KCND3: variants seen among roughly 807,000 people sequenced by gnomAD.
The protein encoded by KCND3 is potassium voltage-gated channel subfamily D member 3.
In KCND3, 9 loss-of-function variants were observed where a neutral mutation model predicts 51.1. The observed-to-expected ratio is 0.18, with a 90% CI of 0.11 to 0.31. The LOEUF (loss-of-function observed/expected upper bound fraction) is 0.31. KCND3 is among the 10% of genes least tolerant of loss of function. KCND3 has a pLI of 1.00. For synonymous variants in KCND3, 349 were observed against 368.0 expected (o/e 0.95, Z 0.59); for missense variants, 526 against 903.8 (o/e 0.58, Z 5.36).
intron 2 of KCND3, among the ~76,000 whole-genome samples, chr1:111,957,143 G>A (rs113699581): frequency 6.6e-6 from 1 of 152,166 alleles, no homozygotes; most frequent in Non-Finnish European, 1.5e-5. Context: ...AAAAGCACCA[G>A]GTAGAACACT....
At chr1:111,840,017 A>C (rs1667250134) in intron 2 of KCND3, among the ~76,000 whole-genome samples, 1 of 152,196 alleles carries the variant, frequency 6.6e-6, no homozygotes, top group Admixed American at 6.5e-5. Context: ...GGAAAGTCCA[A>C]GTTTAAGGTG....
intron 2 of KCND3, among the ~76,000 whole-genome samples, chr1:111,953,843 T>C (rs1673181955): frequency 6.6e-6 from 1 of 152,184 alleles, no homozygotes; most frequent in South Asian, 2.1e-4. Flanking sequence ...CAGGGACGCT[T>C]TGGTTAGCAA....
At chr1:111,923,292 A>C (rs1445736942) in intron 2 of KCND3, among the ~76,000 whole-genome samples, 1 of 152,184 alleles carries the variant, frequency 6.6e-6, no homozygotes, top group Non-Finnish European at 1.5e-5. Flanking sequence ...ACAGCATCAG[A>C]CACGACCAGA....
chr1:111,798,235 T>G (rs762978676), intron 2 of KCND3, among the ~76,000 whole-genome samples: 1 of 152,138 alleles, frequency 6.6e-6, no homozygotes. Context: ...CCATATGCAC[T>G]GGGCTCCTCC....
At chr1:111,839,587 G>A (rs1667231092) in intron 2 of KCND3, among the ~76,000 whole-genome samples, 1 of 152,248 alleles carries the variant, frequency 6.6e-6, no homozygotes, top group South Asian at 2.1e-4. Context: ...GTCAGAAAAG[G>A]AGAGGAAGAG....
intron 2 of KCND3, among the ~76,000 whole-genome samples, chr1:111,972,527 C>T (rs1674400791): frequency 1.3e-5 from 2 of 152,212 alleles, no homozygotes; most frequent in Admixed American, 6.5e-5. Flanking sequence ...GCTTCCCAAA[C>T]ATCAAGCCCT....
intron 2 of KCND3, among the ~76,000 whole-genome samples, chr1:111,836,335 A>T (rs1317359311): frequency 1.3e-5 from 2 of 151,562 alleles, no homozygotes; most frequent in Admixed American, 6.6e-5. Context: ...CTTGGCAATG[A>T]CTCCCCGTCT....
At chr1:111,937,393 T>C (rs1483059618) in intron 2 of KCND3, among the ~76,000 whole-genome samples, 1 of 152,148 alleles carries the variant, frequency 6.6e-6, no homozygotes, top group Non-Finnish European at 1.5e-5. Flanking sequence ...CCAGGCGCTT[T>C]TCCATTCCAC....
chr1:111,835,010 G>A (rs1446671137), intron 2 of KCND3, among the ~76,000 whole-genome samples: 1 of 152,222 alleles, frequency 6.6e-6, no homozygotes, highest in African/African-American at 2.4e-5. Flanking sequence ...GATCCCTGGG[G>A]CTTGGAGGGT....
intron 2 of KCND3, 106 bp from the exon 3 acceptor site, chr1:111,787,212 A>G: frequency 8.3e-7 from 1 of 1,198,234 alleles, no homozygotes; most frequent in South Asian, 1.3e-5. Flanking sequence ...TTCATTCAGC[A>G]ATTGCTTAGA....
At chr1:111,877,892 AGGCTGAT>A (rs1206265208) in intron 2 of KCND3, among the ~76,000 whole-genome samples, 1 of 152,236 alleles carries the variant, frequency 6.6e-6, no homozygotes, top group Non-Finnish European at 1.5e-5. Context: ...CAAAAGGAGG[AGGCTGAT>A]GGGCAAGAAT....
intron 1 of KCND3, among the ~76,000 whole-genome samples, 22 bp downstream of exon 1, chr1:111,989,483 G>A (rs968148621): frequency 3.9e-5 from 6 of 151,942 alleles, no homozygotes; most frequent in African/African-American, 1.4e-4. Flanking sequence ...GGCTCCAGAA[G>A]GCTCGGTCGC....
chr1:111,953,436 A>G (rs998011233), intron 2 of KCND3, among the ~76,000 whole-genome samples: 8 of 152,232 alleles, frequency 5.3e-5, no homozygotes, highest in African/African-American at 9.6e-5. Flanking sequence ...TCATGCTCGC[A>G]TGATCTAAAG....
At chr1:111,814,850 G>T (rs144713459) in intron 2 of KCND3, among the ~76,000 whole-genome samples, 1 of 152,230 alleles carries the variant, frequency 6.6e-6, no homozygotes, top group Non-Finnish European at 1.5e-5. Context: ...TTCTAGGCAC[G>T]TGCTTATCTA....
intron 2 of KCND3, among the ~76,000 whole-genome samples, chr1:111,791,953 T>A (rs1664848395): frequency 6.6e-6 from 1 of 152,114 alleles, no homozygotes; most frequent in African/African-American, 2.4e-5. Context: ...CTTGGCTGGA[T>A]TGATGGGAGT....
intron 2 of KCND3, among the ~76,000 whole-genome samples, chr1:111,908,538 G>T (rs1670760285): frequency 6.6e-6 from 1 of 152,104 alleles, no homozygotes; most frequent in Non-Finnish European, 1.5e-5. Flanking sequence ...GTTGTAGCAG[G>T]ACTAAAATTC....
chr1:111,950,303 G>A (rs1672997208), intron 2 of KCND3, among the ~76,000 whole-genome samples: 1 of 152,130 alleles, frequency 6.6e-6, no homozygotes, highest in Non-Finnish European at 1.5e-5. Context: ...TACTGGTCGT[G>A]ACCCACTAAG....
At chr1:111,787,133 A>T in intron 2 of KCND3, 27 bp from the exon 3 acceptor site, 2 of 1,613,242 alleles carry the variant, frequency 1.2e-6, no homozygotes, top group Non-Finnish European at 1.7e-6. Flanking sequence ...AACAGGGTGT[A>T]AGGGAGAGAG....
intron 2 of KCND3, among the ~76,000 whole-genome samples, chr1:111,920,391 G>A (rs1671423407): frequency 6.6e-6 from 1 of 152,232 alleles, no homozygotes; most frequent in Admixed American, 6.5e-5. Flanking sequence ...AACAGATTCT[G>A]GTTTCCTAGA....
Sources: gnomAD v4.1 joint callset for allele counts (sites outside exome capture counted in the v4.1 genomes callset) on GRCh38, gnomAD v4.1.1 for gene constraint, MANE v1.5 for transcripts, NCBI Gene and HGNC (gene_info 2026-07-23, HGNC 2026-07-21) for gene names.